The following SPON1 variants were observed in gnomAD, a reference collection of about 807,000 sequenced individuals.
The protein encoded by SPON1 is spondin-1.
In SPON1, 52 loss-of-function variants were observed where a neutral mutation model predicts 111.7. That is an observed-to-expected ratio of 0.47 (90% CI 0.37 to 0.59). SPON1 has a LOEUF of 0.59. Among genes scored for constraint, SPON1 ranks in the 20% least tolerant of loss-of-function variants. SPON1 has a pLI of 0.00. For missense variants in SPON1, 957 were observed against 1,068.5 expected (o/e 0.90, Z 1.46); for synonymous variants, 410 against 395.8 (o/e 1.04, Z -0.43).
chr11:14,129,798 G>A (rs1186831667), intron 5 of SPON1, among the ~76,000 whole-genome samples: 6 of 152,162 alleles, frequency 3.9e-5, no homozygotes. Context: ...AGTTCGACAT[G>A]GCTGGGGAGG....
intron 9 of SPON1, among the ~76,000 whole-genome samples, chr11:14,256,100 G>A (rs1181592265): frequency 6.6e-6 from 1 of 152,014 alleles, no homozygotes; most frequent in Admixed American, 6.6e-5. Context: ...TACAAAAATT[G>A]GCTGGGCATG....
chr11:14,087,862 C>G (rs1161902736), intron 5 of SPON1, among the ~76,000 whole-genome samples: 2 of 151,984 alleles, frequency 1.3e-5, no homozygotes, highest in Non-Finnish European at 2.9e-5. Flanking sequence ...GTTAGCTCTT[C>G]TTGTTGCATT....
At chr11:14,001,257 C>A (rs376259007) in intron 2 of SPON1, among the ~76,000 whole-genome samples, 7 of 152,230 alleles carry the variant, frequency 4.6e-5, no homozygotes, top group African/African-American at 1.7e-4. Flanking sequence ...GAGAGTTAAA[C>A]TCCTGGGAGC....
In SPON1 at chr11:14,262,775, G is replaced by T. The variant is rs1554942035; in HGVS notation, c.2060G>T (p.Gly687Val). 1 of 1,613,790 alleles carries T rather than the reference G, an allele frequency of 6.2e-7. No homozygotes were observed. The highest frequency in any genetic ancestry group is 8.5e-7 in the Non-Finnish European group (1 of 1,179,894). The change falls in exon 15 of 16, where the codon GGC (glycine) becomes GTC (valine). Residue 687 changes from glycine to valine, a missense_variant. Coordinates refer to ENST00000576479, the MANE Select transcript of SPON1 (RefSeq NM_006108.4). ...GAATGTAACAAGTCATGTGGGAAAG[G>T]CCACGTGATTCGAACCCGGATGATC... Reference protein sequence around the residue: ...WSECNKSCGKGHVIRTRMIQM... With the variant: ...WSECNKSCGKVHVIRTRMIQM...
At chr11:14,211,061 C>T (rs1554936679) in intron 6 of SPON1, among the ~76,000 whole-genome samples, 2 of 151,948 alleles carry the variant, frequency 1.3e-5, no homozygotes, top group African/African-American at 4.8e-5. Flanking sequence ...TGTTCTTTTT[C>T]CTTAGGATTG....
intron 1 of SPON1, among the ~76,000 whole-genome samples, chr11:13,977,935 C>T (rs536512027): frequency 1.3e-5 from 2 of 152,286 alleles, no homozygotes; most frequent in Admixed American, 6.5e-5. Flanking sequence ...ATTATCTTTT[C>T]TCCATTGCTC....
At chr11:14,057,837 A>AAAAC (rs1848757233) in intron 3 of SPON1, among the ~76,000 whole-genome samples, 18 of 148,418 alleles carry the variant, frequency 1.2e-4, no homozygotes, top group East Asian at 2.1e-4. Context: ...TCTACAAAAA[A>AAAAC]AAAAAACAAA....
intron 7 of SPON1, among the ~76,000 whole-genome samples, chr11:14,251,311 C>T (rs1482574527): frequency 1.3e-5 from 2 of 152,186 alleles, no homozygotes; most frequent in Non-Finnish European, 2.9e-5. Context: ...CAGGAATTGG[C>T]CGCCCCACGT....
chr11:14,099,077 C>G (rs1476530981), intron 5 of SPON1, among the ~76,000 whole-genome samples: 1 of 152,150 alleles, frequency 6.6e-6, no homozygotes, highest in Non-Finnish European at 1.5e-5. Flanking sequence ...TTCCCTTATC[C>G]TCACCCCCAA....
At position 13,962,732 on chromosome 11, in the gene SPON1, C is replaced by T; in HGVS notation, c.-173C>T. ...TGGCTCAGCTCAGCTCAGCTCAGCG[C>T]AGCTCCGCGGCCGCCAAGCCGAGGC... On this transcript the variant is annotated 5_prime_UTR_variant, in exon 1 of 16. Transcript: ENST00000576479. 3.4e-6 allele frequency: 2 copies of T among 596,440 alleles called. No homozygotes were observed. Among genetic ancestry groups the T allele is most frequent in the Non-Finnish European group, 2.8e-6 (1 of 361,850 alleles). The allele number at this position is 596,440 out of a possible 1,614,324, so 36.9% of individuals were successfully genotyped here.
At chr11:14,256,398 G>A (rs1403422928) in intron 9 of SPON1, among the ~76,000 whole-genome samples, 9 of 152,276 alleles carry the variant, frequency 5.9e-5, no homozygotes, top group African/African-American at 1.9e-4. Context: ...GAACTGGGGA[G>A]TGGTGGTACC....
At chr11:14,262,304 T>G (rs529661804) in intron 14 of SPON1, 1 of 234,044 alleles carries the variant, frequency 4.3e-6, no homozygotes, top group Admixed American at 5.0e-5. Flanking sequence ...ACTTGTTCTC[T>G]CCAAAGAGCA....
At chr11:13,966,804 G>T (rs931587942) in intron 1 of SPON1, among the ~76,000 whole-genome samples, 1 of 152,176 alleles carries the variant, frequency 6.6e-6, no homozygotes, top group Non-Finnish European at 1.5e-5. Flanking sequence ...ATCTCAGGAA[G>T]CCACTTCACC....
chr11:14,246,152 T>C (rs1848987322), intron 7 of SPON1, among the ~76,000 whole-genome samples: 1 of 152,112 alleles, frequency 6.6e-6, no homozygotes, highest in South Asian at 2.1e-4. Context: ...TAAGGAGTCT[T>C]TATACCAGTT....
chr11:14,028,094 C>A (rs1848532314), intron 2 of SPON1, among the ~76,000 whole-genome samples: 2 of 152,312 alleles, frequency 1.3e-5, no homozygotes, highest in East Asian at 3.9e-4. Flanking sequence ...AGACCCCCTA[C>A]TTGCTAGTCC....
At chr11:14,222,101 C>G (rs1848686991) in intron 6 of SPON1, among the ~76,000 whole-genome samples, 1 of 152,186 alleles carries the variant, frequency 6.6e-6, no homozygotes. Context: ...ATACAATGGC[C>G]TAAGCCCATT....
At chr11:13,972,659 C>T (rs1554908723) in intron 1 of SPON1, among the ~76,000 whole-genome samples, 1 of 152,176 alleles carries the variant, frequency 6.6e-6, no homozygotes, top group Non-Finnish European at 1.5e-5. Flanking sequence ...GCTGTCATCC[C>T]AATGACATTT....
At chr11:14,024,603 C>T (rs993420420) in intron 2 of SPON1, among the ~76,000 whole-genome samples, 30 of 152,058 alleles carry the variant, frequency 2.0e-4, no homozygotes, top group African/African-American at 6.5e-4. Flanking sequence ...GATGTCTAGC[C>T]GCTTGTGTGT....
chr11:13,995,965 C>G (rs561108562), intron 2 of SPON1, among the ~76,000 whole-genome samples: 16 of 152,252 alleles, frequency 1.1e-4, no homozygotes, highest in African/African-American at 3.1e-4. Context: ...TTTGGGAGCA[C>G]AGAAAGGACA....
Sources: gnomAD v4.1 joint callset for allele counts (sites outside exome capture counted in the v4.1 genomes callset) on GRCh38, gnomAD v4.1.1 for gene constraint, MANE v1.5 for transcripts, NCBI Gene and HGNC (gene_info 2026-07-23, HGNC 2026-07-21) for gene names.